MYH11: variants seen among roughly 807,000 people sequenced by gnomAD.
The protein encoded by MYH11 is myosin-11.
In MYH11, 80 loss-of-function variants were observed where a neutral mutation model predicts 246.6. The observed-to-expected ratio is 0.32, with a 90% CI of 0.27 to 0.39. The LOEUF (loss-of-function observed/expected upper bound fraction) is 0.39, where lower values mean the gene tolerates loss of function less well. MYH11 is among the 10% of genes least tolerant of loss of function. The pLI, the probability that MYH11 is intolerant of heterozygous loss-of-function variation, is 1.00. For missense variants in MYH11, 2,158 were observed against 2,546.8 expected (o/e 0.85, Z 3.29); for synonymous variants, 1,071 against 1,015.5 (o/e 1.05, Z -1.04).
At chr16:15,728,912 G>T (rs559179971) in intron 27 of MYH11, among the ~76,000 whole-genome samples, 6 of 151,704 alleles carry the variant, frequency 4.0e-5, no homozygotes, top group African/African-American at 1.5e-4. Flanking sequence ...AAAAAAAAGC[G>T]TGTTGGGCAA....
chr16:15,750,049 G>A lies in MYH11; in HGVS notation c.2058+89C>T. The A allele has an allele frequency of 2.6e-6, 4 of 1,513,698 alleles. No homozygotes were observed. The highest frequency in any genetic ancestry group is 1.4e-5 in the African/African-American group (1 of 73,162). 93.8% of individuals were successfully genotyped at this position (1,513,698 alleles called of 1,614,324 possible). Reference sequence around the variant, plus strand: ...ATGGAAAATGGGGTCCTCGGGGTAGGTGGGGGCAGAGGGCGCCCTGGGGAC... The same window carrying A: ...ATGGAAAATGGGGTCCTCGGGGTAGATGGGGGCAGAGGGCGCCCTGGGGAC... On this transcript the variant is annotated intron_variant, in intron 16 of 40. Transcript: ENST00000300036. This position sits in a 1 kb window ranked among gnomAD's most constrained non-coding sequence, Gnocchi z 4.3.
rs1445953773 is a variant in MYH11 at position 15,767,939 on chromosome 16, T to TAAA, written c.1033+3629_1033+3630insTTT. 1.8e-3 allele frequency among the ~76,000 whole-genome samples: 276 copies of TAAA among 150,584 alleles called. 1 individual carries two copies. Among genetic ancestry groups the TAAA allele is most frequent in the Non-Finnish European group, 2.0e-3 (134 of 67,580 alleles). On this transcript the variant is annotated intron_variant, in intron 9 of 40. Coordinates refer to ENST00000300036, the MANE Select transcript of MYH11 (RefSeq NM_002474.3). ...TCTTGTCTTTTAAAAAAAAAAAAAT[T>TAAA]TTTTTTTTTTAAATTTTTAGTAGAG... is the stretch of plus-strand genomic sequence containing the variant.
chr16:15,856,526 G>C (rs181496557), intron 1 of MYH11, among the ~76,000 whole-genome samples: 278 of 152,184 alleles, frequency 1.8e-3, no homozygotes, highest in African/African-American at 6.5e-3. Context: ...GAATAAAAGT[G>C]AGATGCCTTG....
chr16:15,752,589 C>A (rs959921606), intron 15 of MYH11, among the ~76,000 whole-genome samples: 1 of 152,136 alleles, frequency 6.6e-6, no homozygotes, highest in African/African-American at 2.4e-5. Flanking sequence ...AAAAAGCCCT[C>A]CAAAGAGGGC....
intron 1 of MYH11, among the ~76,000 whole-genome samples, chr16:15,841,570 T>G (rs2044052200): frequency 6.6e-6 from 1 of 152,234 alleles, no homozygotes; most frequent in African/African-American, 2.4e-5. Flanking sequence ...GATGGAAGAT[T>G]AGGTCATTAA....
chr16:15,838,216 A>G lies in MYH11; in HGVS notation c.37T>C (p.Phe13Leu). Residue 13 changes from phenylalanine (F) to leucine (L), a missense_variant, in exon 2 of 41, where the codon TTC (phenylalanine) becomes CTC (leucine). Phe to Leu is a conservative substitution (Grantham distance 22, BLOSUM62 0). This residue lies in a region of MYH11 where 96 missense variants were observed against 91.9 expected (regional missense o/e 1.04). Coordinates refer to ENST00000300036, the MANE Select transcript of MYH11 (RefSeq NM_002474.3). ...ATGAAGTTTTTGTCCACAAAGAGGA[A>G]CTTCTCATCGTCACTGAGTTGGCCC... is the stretch of plus-strand genomic sequence containing the variant. The part of the protein sequence containing the change: ...QKGQLSDDEK[F>L]LFVDKNFINS... 1 of 1,614,066 alleles carries G rather than the reference A, an allele frequency of 6.2e-7. No individual in the cohort carries two copies. Among genetic ancestry groups the G allele is most frequent in the Non-Finnish European group, 8.5e-7 (1 of 1,180,020 alleles).
intron 2 of MYH11, among the ~76,000 whole-genome samples, chr16:15,830,874 C>T (rs549069503): frequency 6.6e-6 from 1 of 151,578 alleles, no homozygotes; most frequent in Admixed American, 6.6e-5. Context: ...GAGACTTTAT[C>T]ACAAAAAAAG....
At chr16:15,854,871 G>A (rs1013967865) in intron 1 of MYH11, among the ~76,000 whole-genome samples, 4 of 143,384 alleles carry the variant, frequency 2.8e-5, no homozygotes, top group African/African-American at 1.1e-4. Context: ...AATAAGAGGG[G>A]GTAGGAAAAA....
intron 10 of MYH11, 127 bp from the exon 11 acceptor site, chr16:15,760,785 C>T (rs2041851210): frequency 2.6e-6 from 2 of 779,832 alleles, no homozygotes; most frequent in African/African-American, 3.4e-5. Context: ...GACCCGCTGA[C>T]CATGAATATA....
intron 4 of MYH11, among the ~76,000 whole-genome samples, chr16:15,793,621 T>C (rs1019127001): frequency 5.3e-4 from 72 of 136,218 alleles, no homozygotes; most frequent in African/African-American, 1.4e-3. Flanking sequence ...TTTTCTTTTT[T>C]TTTTTTTTTT....
chr16:15,850,165 A>G (rs949926516), intron 1 of MYH11, among the ~76,000 whole-genome samples: 3 of 152,078 alleles, frequency 2.0e-5, no homozygotes, highest in African/African-American at 7.2e-5. Flanking sequence ...CAGGCGGATA[A>G]CCTGAGGTCA....
intron 19 of MYH11, among the ~76,000 whole-genome samples, chr16:15,747,007 G>T (rs976739421): frequency 6.6e-6 from 1 of 152,046 alleles, no homozygotes; most frequent in Non-Finnish European, 1.5e-5. Context: ...AGAATTGCTT[G>T]AGTCCAAGAG....
chr16:15,824,337 G>A (rs1303593981), intron 2 of MYH11, among the ~76,000 whole-genome samples: 2 of 151,924 alleles, frequency 1.3e-5, no homozygotes, highest in Non-Finnish European at 2.9e-5. Context: ...CAGTGTAGTG[G>A]GGTGATCTTG....
chr16:15,823,695 A>G (rs2151360252), intron 2 of MYH11, among the ~76,000 whole-genome samples: 1 of 151,992 alleles, frequency 6.6e-6, no homozygotes, highest in East Asian at 1.9e-4. Context: ...TGTGAACGTG[A>G]CTCACTGAAA....
At chr16:15,834,317 AG>A (rs1248366178) in intron 2 of MYH11, among the ~76,000 whole-genome samples, 1 of 152,136 alleles carries the variant, frequency 6.6e-6, no homozygotes, top group African/African-American at 2.4e-5. Flanking sequence ...ACCTGAGGTC[AG>A]GAGTTGGAGA....
chr16:15,807,513 AAAGAATCTCCTGGGG>A (rs2043040853), intron 3 of MYH11, among the ~76,000 whole-genome samples: 1 of 152,078 alleles, frequency 6.6e-6, no homozygotes, highest in Non-Finnish European at 1.5e-5. Context: ...GAAAAATGTG[AAAGAATCTCCTGGGG>A]AGAGGTCGAG....
At chr16:15,736,125 A>G (rs2041110732) in intron 25 of MYH11, among the ~76,000 whole-genome samples, 1 of 152,232 alleles carries the variant, frequency 6.6e-6, no homozygotes, top group African/African-American at 2.4e-5. Context: ...AGAGGCAAGC[A>G]CTTTGATTTT....
At chr16:15,856,220 T>G (rs200362322) in intron 1 of MYH11, among the ~76,000 whole-genome samples, 2,123 of 83,166 alleles carry the variant, frequency 0.026, 23 homozygotes, top group Middle Eastern at 0.043. Context: ...GGGTGAGTTG[T>G]TTTTTTTTTT....
At chr16:15,812,821 C>G (rs536396001) in intron 3 of MYH11, among the ~76,000 whole-genome samples, 7 of 151,728 alleles carry the variant, frequency 4.6e-5, no homozygotes, top group Non-Finnish European at 1.0e-4. Context: ...TGCAGTGAGC[C>G]GTGTTTGTGC....
Sources: gnomAD v4.1 joint callset for allele counts (sites outside exome capture counted in the v4.1 genomes callset) on GRCh38, gnomAD v4.1.1 for gene constraint, gnomAD v4.1.1 regional missense constraint, Gnocchi (gnomAD v3.1) non-coding constraint, MANE v1.5 for transcripts, NCBI Gene and HGNC (gene_info 2026-07-23, HGNC 2026-07-21) for gene names.